CNTN4: variants seen among roughly 807,000 people sequenced by gnomAD.
CNTN4 encodes contactin 4.
A neutral mutation model predicts 122.5 loss-of-function variants in CNTN4; 77 were observed. The observed-to-expected ratio is 0.63, with a 90% CI of 0.52 to 0.76. CNTN4 has a LOEUF of 0.76. Ranked by LOEUF, CNTN4 falls within the 30% of genes least tolerant of loss-of-function variation. The pLI, the probability that CNTN4 is intolerant of heterozygous loss-of-function variation, is 0.00. For missense variants in CNTN4, 1,256 were observed against 1,259.1 expected, an observed-to-expected ratio of 1.00 and a Z score of 0.04; for synonymous variants, 512 against 447.0, an observed-to-expected ratio of 1.15 and a Z score of -1.83.
intron 14 of CNTN4, among the ~76,000 whole-genome samples, chr3:3,010,129 C>T (rs529878183): frequency 1.3e-5 from 2 of 152,112 alleles, no homozygotes; most frequent in Admixed American, 6.5e-5. Context: ...GGCCCAGAGA[C>T]CTACCTCTGT....
At chr3:2,867,359 C>A (rs192487553) in intron 8 of CNTN4, among the ~76,000 whole-genome samples, 4 of 152,106 alleles carry the variant, frequency 2.6e-5, no homozygotes, top group African/African-American at 7.2e-5. Context: ...CAGTACTGAA[C>A]GCATAGTTCC....
At chr3:2,427,760 A>G (rs1442933805) in intron 3 of CNTN4, among the ~76,000 whole-genome samples, 1 of 151,878 alleles carries the variant, frequency 6.6e-6, no homozygotes, top group Admixed American at 6.6e-5. Flanking sequence ...GTGCTCCTGT[A>G]TTGGGTGCAC....
intron 2 of CNTN4, among the ~76,000 whole-genome samples, chr3:2,223,688 G>A (rs1406398729): frequency 6.6e-6 from 1 of 152,170 alleles, no homozygotes; most frequent in Non-Finnish European, 1.5e-5. Flanking sequence ...GATTAGAGTG[G>A]ATCACCATGC....
intron 2 of CNTN4, among the ~76,000 whole-genome samples, chr3:2,332,320 G>C (rs938890927): frequency 1.3e-5 from 2 of 152,044 alleles, no homozygotes; most frequent in African/African-American, 4.8e-5. Flanking sequence ...CTCATTTTAA[G>C]GTTTACGTAA....
At chr3:2,432,749 T>C (rs2048122939) in intron 3 of CNTN4, among the ~76,000 whole-genome samples, 1 of 152,034 alleles carries the variant, frequency 6.6e-6, no homozygotes, top group Admixed American at 6.6e-5. Context: ...TTTCATATTT[T>C]AGCTCTTGTG....
chr3:2,625,730 T>G (rs1576264892), intron 4 of CNTN4, among the ~76,000 whole-genome samples: 1 of 152,326 alleles, frequency 6.6e-6, no homozygotes, highest in East Asian at 1.9e-4. Flanking sequence ...TGCTATCCAC[T>G]TACTATTGAT....
At chr3:2,412,410 C>A (rs138916157) in intron 3 of CNTN4, among the ~76,000 whole-genome samples, 8,028 of 152,078 alleles carry the variant, frequency 0.053, 306 homozygotes, top group Non-Finnish European at 0.078. Flanking sequence ...CACCACCATG[C>A]CCAGCTGATT....
chr3:2,753,946 CAA>C (rs1034861794), intron 6 of CNTN4, among the ~76,000 whole-genome samples: 4 of 152,034 alleles, frequency 2.6e-5, no homozygotes, highest in African/African-American at 9.7e-5. Flanking sequence ...TAATTAATAA[CAA>C]TATTTCTGCT....
intron 4 of CNTN4, among the ~76,000 whole-genome samples, chr3:2,573,112 C>G (rs1250554012): frequency 6.6e-6 from 1 of 152,168 alleles, no homozygotes; most frequent in Non-Finnish European, 1.5e-5. Context: ...TAAACCGAAG[C>G]CGACTATAGT....
chr3:2,724,937 C>T (rs1198595417), intron 4 of CNTN4, among the ~76,000 whole-genome samples: 2 of 151,914 alleles, frequency 1.3e-5, no homozygotes, highest in African/African-American at 2.4e-5. Flanking sequence ...GGGAAAGAAA[C>T]GGTGGTTTCT....
intron 4 of CNTN4, among the ~76,000 whole-genome samples, chr3:2,613,722 A>C (rs934944835): frequency 2.0e-5 from 3 of 152,162 alleles, no homozygotes; most frequent in Non-Finnish European, 4.4e-5. Context: ...TTAGTTTACC[A>C]GTTATCACTA....
chr3:2,655,522 T>C (rs1251489507), intron 4 of CNTN4, among the ~76,000 whole-genome samples: 1 of 152,196 alleles, frequency 6.6e-6, no homozygotes, highest in Non-Finnish European at 1.5e-5. Flanking sequence ...TAGTGGTCTC[T>C]TCTCTGTTTC....
intron 7 of CNTN4, among the ~76,000 whole-genome samples, chr3:2,859,921 A>C (rs2093655287): frequency 6.6e-6 from 1 of 152,242 alleles, no homozygotes; most frequent in East Asian, 1.9e-4. Context: ...AAGAAGTTAC[A>C]TGTAAGAGGG....
intron 4 of CNTN4, among the ~76,000 whole-genome samples, chr3:2,618,484 A>G (rs1559310947): frequency 6.6e-6 from 1 of 152,156 alleles, no homozygotes; most frequent in Admixed American, 6.6e-5. Flanking sequence ...TAAAAAGTAA[A>G]TGAGCATCCA....
At chr3:2,666,586 C>A (rs893418395) in intron 4 of CNTN4, among the ~76,000 whole-genome samples, 3 of 151,590 alleles carry the variant, frequency 2.0e-5, no homozygotes, top group South Asian at 2.1e-4. Context: ...ATAAAATGTT[C>A]TTTTTTTATT....
chr3:2,315,658 A>AT (rs1290799886), intron 2 of CNTN4, among the ~76,000 whole-genome samples: 3 of 151,996 alleles, frequency 2.0e-5, no homozygotes. Context: ...TAGCCAATTC[A>AT]TTTTTTTAAT....
chr3:2,627,716 A>G (rs1012542588), intron 4 of CNTN4, among the ~76,000 whole-genome samples: 2 of 151,940 alleles, frequency 1.3e-5, no homozygotes, highest in Non-Finnish European at 2.9e-5. Flanking sequence ...GATGGTCTCG[A>G]TCTCCTGACC....
At chr3:2,300,791 C>A (rs544334739) in intron 2 of CNTN4, among the ~76,000 whole-genome samples, 5 of 151,658 alleles carry the variant, frequency 3.3e-5, no homozygotes, top group Non-Finnish European at 5.9e-5. Flanking sequence ...GGATGGTCTC[C>A]ATCAACAGAC....
chr3:2,206,833 C>T (rs901325915), intron 2 of CNTN4, among the ~76,000 whole-genome samples: 4 of 150,122 alleles, frequency 2.7e-5, no homozygotes, highest in Non-Finnish European at 5.9e-5. Flanking sequence ...TACAGGGATA[C>T]CTCATCCGAT....
Sources: gnomAD v4.1 joint callset for allele counts (sites outside exome capture counted in the v4.1 genomes callset) on GRCh38, gnomAD v4.1.1 for gene constraint, MANE v1.5 for transcripts, NCBI Gene and HGNC (gene_info 2026-07-23, HGNC 2026-07-21) for gene names.